FSTL5: variants seen among roughly 807,000 people sequenced by gnomAD.
FSTL5 encodes follistatin like 5.
In FSTL5, 62 loss-of-function variants were observed where a neutral mutation model predicts 89.1. The observed-to-expected ratio is 0.70, with a 90% CI of 0.57 to 0.86. The LOEUF is 0.86. Ranked by LOEUF, FSTL5 falls within the 40% of genes least tolerant of loss-of-function variation. The pLI, the probability that FSTL5 is intolerant of heterozygous loss-of-function variation, is 0.00. For missense variants in FSTL5, 1,057 were observed against 1,001.6 expected (o/e 1.06, Z -0.75); for synonymous variants, 383 against 346.2 (o/e 1.11, Z -1.18).
At position 161,535,844 on chromosome 4, in the gene FSTL5, T is replaced by G. The variant is rs191203997; in HGVS notation, c.1312+2322A>C. On this transcript the variant is annotated intron_variant, in intron 10 of 15. Coordinates refer to ENST00000306100, the MANE Select transcript of FSTL5 (RefSeq NM_020116.5). ...AAGACATGGAATCAATCTAGGTGCC[T>G]ATCAATGGTGGGCTGGTTAAAGAAA... Among the ~76,000 whole-genome samples, 113 of 152,174 alleles carry G rather than the reference T, an allele frequency of 7.4e-4. 1 individual carries two copies. The highest frequency in any genetic ancestry group is 2.7e-3 in the African/African-American group (112 of 41,548).
At chr4:161,457,240 T>C (rs6840540) in intron 14 of FSTL5, among the ~76,000 whole-genome samples, 9 of 152,194 alleles carry the variant, frequency 5.9e-5, no homozygotes, top group African/African-American at 2.2e-4. Context: ...TACACACATA[T>C]AAACCTTATG....
chr4:161,963,143 A>G (rs1361035637), intron 3 of FSTL5, among the ~76,000 whole-genome samples: 1 of 151,986 alleles, frequency 6.6e-6, no homozygotes, highest in Non-Finnish European at 1.5e-5. Flanking sequence ...GCAAAATAAG[A>G]ATACCATGGA....
intron 15 of FSTL5, among the ~76,000 whole-genome samples, chr4:161,400,026 T>G (rs557979426): frequency 7.9e-4 from 121 of 152,268 alleles, no homozygotes; most frequent in Non-Finnish European, 1.3e-3. Flanking sequence ...TAAAATAGAC[T>G]AGTATCTAAA....
chr4:162,118,355 G>A (rs996106225), intron 1 of FSTL5, among the ~76,000 whole-genome samples: 10 of 152,304 alleles, frequency 6.6e-5, no homozygotes, highest in African/African-American at 2.4e-4. Flanking sequence ...CCGCCTTGCG[G>A]GTTCACGCCA....
chr4:161,813,139 GT>G (rs1282762668), intron 4 of FSTL5, among the ~76,000 whole-genome samples: 1 of 151,608 alleles, frequency 6.6e-6, no homozygotes, highest in Non-Finnish European at 1.5e-5. Flanking sequence ...TGATTCTCCT[GT>G]TTCAGCCTCC....
intron 6 of FSTL5, among the ~76,000 whole-genome samples, chr4:161,701,670 T>A (rs1738396148): frequency 6.6e-6 from 1 of 152,116 alleles, no homozygotes; most frequent in Non-Finnish European, 1.5e-5. Flanking sequence ...GGTAATGTTC[T>A]AAGCAAATGC....
intron 7 of FSTL5, among the ~76,000 whole-genome samples, chr4:161,633,383 T>C (rs112855627): frequency 0.011 from 1,730 of 151,376 alleles, 32 homozygotes; most frequent in African/African-American, 0.039. Context: ...CTCTGTCCTC[T>C]GTCACCAGTT....
At chr4:161,897,897 T>C (rs936677834) in intron 4 of FSTL5, among the ~76,000 whole-genome samples, 1 of 151,646 alleles carries the variant, frequency 6.6e-6, no homozygotes, top group African/African-American at 2.4e-5. Flanking sequence ...TCCCCTTACC[T>C]AAAACCTTGA....
chr4:162,009,047 T>C (rs1371351480), intron 3 of FSTL5, among the ~76,000 whole-genome samples: 1 of 152,090 alleles, frequency 6.6e-6, no homozygotes, highest in Non-Finnish European at 1.5e-5. Flanking sequence ...ACAAAAAGTG[T>C]CCAAAAATTA....
chr4:161,852,631 A>T (rs1456361966), intron 4 of FSTL5, among the ~76,000 whole-genome samples: 1 of 152,236 alleles, frequency 6.6e-6, no homozygotes, highest in Non-Finnish European at 1.5e-5. Context: ...AAAAGAATAT[A>T]AATCATTCTA....
At chr4:162,071,500 T>C (rs547358419) in intron 2 of FSTL5, among the ~76,000 whole-genome samples, 1 of 151,838 alleles carries the variant, frequency 6.6e-6, no homozygotes, top group East Asian at 1.9e-4. Flanking sequence ...ATAACGGAAA[T>C]GTTATTAGAG....
In FSTL5 at chr4:161,662,896, TTCTGAG is replaced by T. The variant is rs1736765617; in HGVS notation, c.728-6408_728-6403del. Among the ~76,000 whole-genome samples, 3 of 152,116 alleles carry T rather than the reference TTCTGAG, an allele frequency of 2.0e-5. No homozygotes were observed. The South Asian group carries it at 6.2e-4, about 32-fold the overall frequency. On this transcript the variant is annotated intron_variant, in intron 6 of 15. Transcript: ENST00000306100. Reference sequence around the variant, plus strand: ...TTAATTGGACTTACAGTTCCACAGATTCTGAGGCTGGGGAGACCTCAGCAGAATCAC... The same window carrying T: ...TTAATTGGACTTACAGTTCCACAGATGCTGGGGAGACCTCAGCAGAATCAC...
intron 1 of FSTL5, among the ~76,000 whole-genome samples, chr4:162,136,913 T>A (rs2111470257): frequency 6.6e-6 from 1 of 152,134 alleles, no homozygotes; most frequent in East Asian, 1.9e-4. Context: ...TAAACATATT[T>A]AACAAAAATT....
chr4:161,536,140 T>C (rs1381039071), intron 10 of FSTL5, among the ~76,000 whole-genome samples: 1 of 152,084 alleles, frequency 6.6e-6, no homozygotes, highest in Non-Finnish European at 1.5e-5. Context: ...TTGGGTACTA[T>C]GCTCACTACC....
intron 3 of FSTL5, among the ~76,000 whole-genome samples, chr4:161,953,337 A>C (rs150111717): frequency 9.0e-4 from 137 of 151,666 alleles, no homozygotes; most frequent in African/African-American, 3.2e-3. Context: ...AAATATTATA[A>C]ATATTATAAA....
At chr4:161,746,350 C>G (rs969473804) in intron 6 of FSTL5, among the ~76,000 whole-genome samples, 1 of 152,096 alleles carries the variant, frequency 6.6e-6, no homozygotes, top group Admixed American at 6.6e-5. Flanking sequence ...TTCCTTAAAT[C>G]CATAACTTCT....
chr4:161,431,174 C>A (rs948706185), intron 15 of FSTL5, among the ~76,000 whole-genome samples: 1 of 152,140 alleles, frequency 6.6e-6, no homozygotes, highest in East Asian at 1.9e-4. Context: ...GAGTAATTGT[C>A]GTGTATAAAC....
intron 6 of FSTL5, among the ~76,000 whole-genome samples, chr4:161,719,451 T>G (rs1173576150): frequency 6.6e-6 from 1 of 152,194 alleles, no homozygotes. Context: ...CCAGTTTTGC[T>G]CTTGATTAAA....
At chr4:162,101,117 G>C (rs1476679978) in intron 2 of FSTL5, among the ~76,000 whole-genome samples, 1 of 152,164 alleles carries the variant, frequency 6.6e-6, no homozygotes, top group Non-Finnish European at 1.5e-5. Flanking sequence ...TGCTTTTCTT[G>C]TACCTAGTCC....
Sources: gnomAD v4.1 joint callset for allele counts (sites outside exome capture counted in the v4.1 genomes callset) on GRCh38, gnomAD v4.1.1 for gene constraint, MANE v1.5 for transcripts, NCBI Gene and HGNC (gene_info 2026-07-23, HGNC 2026-07-21) for gene names.